Variants in NEO1 observed in about 807,000 individuals in gnomAD.
The protein encoded by NEO1 is neogenin.
A neutral mutation model predicts 159.7 loss-of-function variants in NEO1; 63 were observed. The observed-to-expected ratio is 0.39, with a 90% CI of 0.32 to 0.49. The LOEUF (loss-of-function observed/expected upper bound fraction) is 0.49, where lower values mean the gene tolerates loss of function less well. Among genes scored for constraint, NEO1 ranks in the 20% least tolerant of loss-of-function variants. The pLI is 0.85. For synonymous variants in NEO1, 633 were observed against 662.0 expected (o/e 0.96, Z 0.67); for missense variants, 1,615 against 1,831.0 (o/e 0.88, Z 2.15).
At position 73,288,343 on chromosome 15, in the gene NEO1, C is replaced by T. The variant is rs1396347970; in HGVS notation, c.3441C>T (p.Gly1147=). ...GAGCTGCCTGCAAATCAGTGAATGG[C>T]TCTCATAAGTACAAAGGGAATTCCA... ...KKRAACKSVN[G]SHKYKGNSKD... is the part of the protein sequence containing the mutation. The change falls in exon 24 of 29, where the codon GGC becomes GGT. Residue 1147 remains glycine (G), a synonymous_variant. Coordinates refer to ENST00000261908, the MANE Select transcript of NEO1 (RefSeq NM_002499.4). 6.2e-7 allele frequency: 1 copy of T among 1,613,414 alleles called. No individual in the cohort carries two copies. Among genetic ancestry groups the T allele is most frequent in the Non-Finnish European group, 8.5e-7 (1 of 1,179,564 alleles).
intron 8 of NEO1, among the ~76,000 whole-genome samples, chr15:73,241,737 C>T (rs1211032818): frequency 1.3e-5 from 2 of 152,128 alleles, no homozygotes; most frequent in African/African-American, 4.8e-5. Flanking sequence ...TTCAAATGCT[C>T]CTTGAATCTT....
intron 27 of NEO1, among the ~76,000 whole-genome samples, chr15:73,299,680 C>T (rs529683629): frequency 7.4e-4 from 113 of 152,308 alleles, no homozygotes; most frequent in South Asian, 2.1e-3. Context: ...CCACTGCGCC[C>T]AGCCGAAAAG....
At chr15:73,155,210 TTGGTGGTGGTGGTGGTGATACTGA>T (rs1401843335) in intron 5 of NEO1, among the ~76,000 whole-genome samples, 4 of 151,934 alleles carry the variant, frequency 2.6e-5, no homozygotes, top group Non-Finnish European at 5.9e-5. Flanking sequence ...TGGCTGATGT[TTGGTGGTGGTGGTGGTGATACTGA>T]TGGTGGTGGT....
chr15:73,091,316 A>G (rs1387063456), intron 1 of NEO1, among the ~76,000 whole-genome samples: 1 of 152,162 alleles, frequency 6.6e-6, no homozygotes, highest in Non-Finnish European at 1.5e-5. Flanking sequence ...GTATTGTTTT[A>G]TCTTGCCTTA....
chr15:73,279,068 T>C (rs1220395472), intron 22 of NEO1, among the ~76,000 whole-genome samples: 1 of 152,218 alleles, frequency 6.6e-6, no homozygotes, highest in Non-Finnish European at 1.5e-5. Context: ...AATACGATGA[T>C]GTCTTAATCT....
chr15:73,221,689 T>G (rs1386920062), intron 7 of NEO1: 1 of 153,578 alleles, frequency 6.5e-6, no homozygotes, highest in Non-Finnish European at 1.4e-5. Flanking sequence ...CAGACTGCTG[T>G]GCTAGCAAAC....
chr15:73,260,224 T>C (rs770329957), intron 14 of NEO1, 47 bp from the exon 15 acceptor site: 1 of 1,544,486 alleles, frequency 6.5e-7, no homozygotes, highest in Non-Finnish European at 8.9e-7. Flanking sequence ...GTGAGATATT[T>C]TAAAGGACAG....
chr15:73,108,237 C>T (rs951063485), intron 1 of NEO1, among the ~76,000 whole-genome samples: 3 of 152,102 alleles, frequency 2.0e-5, no homozygotes, highest in African/African-American at 7.2e-5. Context: ...GGAGAATTTC[C>T]AAGTAACTGG....
intron 26 of NEO1, among the ~76,000 whole-genome samples, chr15:73,297,603 G>C (rs922600733): frequency 2.6e-5 from 4 of 152,208 alleles, no homozygotes; most frequent in African/African-American, 9.6e-5. Flanking sequence ...TGACTCCAGA[G>C]TCCGTGCTTT....
intron 25 of NEO1, among the ~76,000 whole-genome samples, chr15:73,290,917 C>T (rs1390481618): frequency 2.0e-5 from 3 of 152,220 alleles, no homozygotes; most frequent in African/African-American, 7.2e-5. Flanking sequence ...GATGTCTGCA[C>T]ACGCATTCCC....
intron 7 of NEO1, among the ~76,000 whole-genome samples, chr15:73,226,902 A>AAAAT (rs2038621932): frequency 6.6e-6 from 1 of 152,226 alleles, no homozygotes; most frequent in African/African-American, 2.4e-5. Flanking sequence ...TTCCAAAAAG[A>AAAAT]AAATGTAAAT....
chr15:73,187,798 C>A (rs1449825938), intron 7 of NEO1, among the ~76,000 whole-genome samples: 1 of 151,880 alleles, frequency 6.6e-6, no homozygotes, highest in Non-Finnish European at 1.5e-5. Flanking sequence ...CAAATTGTGC[C>A]CTTTAAGATG....
intron 7 of NEO1, among the ~76,000 whole-genome samples, chr15:73,184,635 A>G (rs1362437014): frequency 2.0e-5 from 3 of 152,208 alleles, no homozygotes; most frequent in African/African-American, 7.2e-5. Flanking sequence ...CCAAAAAGAA[A>G]TGACCTACCA....
intron 1 of NEO1, among the ~76,000 whole-genome samples, chr15:73,055,117 A>G (rs1224961799): frequency 6.6e-6 from 1 of 152,094 alleles, no homozygotes; most frequent in Non-Finnish European, 1.5e-5. Flanking sequence ...GCAAGGGAGG[A>G]GGGTTGGAAT....
chr15:73,100,911 TC>T (rs1327737381), intron 1 of NEO1, among the ~76,000 whole-genome samples: 1 of 152,140 alleles, frequency 6.6e-6, no homozygotes, highest in Admixed American at 6.5e-5. Context: ...ACCACCCTTC[TC>T]TCATCATCAG....
At chr15:73,130,761 A>C (rs1264701150) in intron 4 of NEO1, among the ~76,000 whole-genome samples, 1 of 152,242 alleles carries the variant, frequency 6.6e-6, no homozygotes, top group Non-Finnish European at 1.5e-5. Context: ...CATAAGAGGC[A>C]ACCCTTCCCT....
chr15:73,241,762 G>C (rs962410178), intron 8 of NEO1, among the ~76,000 whole-genome samples: 2 of 152,080 alleles, frequency 1.3e-5, no homozygotes, highest in South Asian at 2.1e-4. Flanking sequence ...CAAAACCAAG[G>C]GTGGTTTTTC....
At chr15:73,236,268 A>G in intron 7 of NEO1, 79 bp from the exon 8 acceptor site, 1 of 1,605,842 alleles carries the variant, frequency 6.2e-7, no homozygotes, top group Non-Finnish European at 8.5e-7. Flanking sequence ...CATATTCCCC[A>G]ATGTTTGCAC....
intron 1 of NEO1, among the ~76,000 whole-genome samples, chr15:73,089,781 TCTG>T (rs1473499134): frequency 3.0e-4 from 45 of 152,334 alleles, no homozygotes; most frequent in African/African-American, 1.1e-3. Context: ...ACTTAGTAAT[TCTG>T]CTTCTAGAAA....
Sources: gnomAD v4.1 joint callset for allele counts (sites outside exome capture counted in the v4.1 genomes callset) on GRCh38, gnomAD v4.1.1 for gene constraint, MANE v1.5 for transcripts, NCBI Gene and HGNC (gene_info 2026-07-23, HGNC 2026-07-21) for gene names.